The following XPO1 variants were observed in gnomAD, a reference collection of about 807,000 sequenced individuals.
XPO1 encodes the protein exportin-1.
A neutral mutation model predicts 133.3 loss-of-function variants in XPO1; 5 were observed. The observed-to-expected ratio is 0.04, with a 90% confidence interval of 0.02 to 0.08. XPO1 has a LOEUF of 0.08. Among genes scored for constraint, XPO1 ranks in the 10% least tolerant of loss-of-function variants. The pLI, the probability that XPO1 is intolerant of heterozygous loss-of-function variation, is 1.00. For synonymous variants in XPO1, 419 were observed against 408.2 expected (o/e 1.03, Z -0.32); for missense variants, 506 against 1,267.5 (o/e 0.40, Z 9.12).
chr2:61,496,141 T>G (rs1305182575), intron 10 of XPO1, among the ~76,000 whole-genome samples: 4 of 152,100 alleles, frequency 2.6e-5, no homozygotes, highest in Non-Finnish European at 5.9e-5. Context: ...CTAGTATTTC[T>G]CACTGACATT....
At chr2:61,495,240 T>TG (rs1182497755) in intron 11 of XPO1, among the ~76,000 whole-genome samples, 1 of 152,194 alleles carries the variant, frequency 6.6e-6, no homozygotes, top group Non-Finnish European at 1.5e-5. Flanking sequence ...AATTTAATTT[T>TG]GATTATAAAT....
At chr2:61,533,129 AG>A (rs1336085383) in intron 2 of XPO1, among the ~76,000 whole-genome samples, 5 of 152,184 alleles carry the variant, frequency 3.3e-5, no homozygotes, top group Non-Finnish European at 7.3e-5. Flanking sequence ...CAGTGAGCTG[AG>A]ATAGCGCCAC....
At chr2:61,528,925 C>A (rs1327566691) in intron 2 of XPO1, among the ~76,000 whole-genome samples, 2 of 151,914 alleles carry the variant, frequency 1.3e-5, no homozygotes, top group Admixed American at 6.6e-5. Flanking sequence ...CTTCCTATTT[C>A]TTTTACCTAT....
chr2:61,485,871 C>G lies in XPO1; in HGVS notation c.2405G>C (p.Ser802Thr). ...CTTGTTGACAATTATGGCCATAGTA[C>G]TAAGCACTTCTGGTTCTCTAGCAGC... ...VPAAREPEVL[S>T]TMAIIVNKLG... The change falls in exon 20 of 25, where the codon AGT becomes ACT. Residue 802 changes from serine to threonine, a missense_variant. Ser to Thr is a moderately conservative substitution (Grantham distance 58). Transcript: ENST00000401558. 6.2e-7 allele frequency: 1 copy of G among 1,614,052 alleles called. No individual in the cohort carries two copies. The highest frequency in any genetic ancestry group is 8.5e-7 in the Non-Finnish European group (1 of 1,179,984).
chr2:61,507,096 T>A (rs181569630), intron 4 of XPO1, among the ~76,000 whole-genome samples: 1 of 151,202 alleles, frequency 6.6e-6, no homozygotes, highest in Admixed American at 6.6e-5. Flanking sequence ...AACAAAAAAA[T>A]TTAGCTGGGC....
chr2:61,524,298 T>C (rs1337267158), intron 3 of XPO1, among the ~76,000 whole-genome samples: 1 of 152,198 alleles, frequency 6.6e-6, no homozygotes, highest in African/African-American at 2.4e-5. Flanking sequence ...GATAACTTCA[T>C]CTTATTTAAC....
At chr2:61,493,757 A>G in intron 12 of XPO1, 137 bp downstream of exon 12, 1 of 885,098 alleles carries the variant, frequency 1.1e-6, no homozygotes, top group Non-Finnish European at 1.8e-6. Flanking sequence ...TTCATGTTCT[A>G]GTTTTCCACA....
intron 4 of XPO1, among the ~76,000 whole-genome samples, chr2:61,507,377 C>A (rs1490889315): frequency 4.0e-5 from 6 of 151,794 alleles, no homozygotes; most frequent in Non-Finnish European, 8.8e-5. Context: ...AGCTTGAGAC[C>A]AGCTTGGGCA....
At chr2:61,490,915 G>A in intron 16 of XPO1, 139 bp from the exon 17 acceptor site, 1 of 1,078,352 alleles carries the variant, frequency 9.3e-7, no homozygotes, top group Non-Finnish European at 1.3e-6. Context: ...AATACTTTGA[G>A]AAGCCAAGGC....
chr2:61,528,728 TTTATTTATATATATATATATATA>T (rs1699019146), intron 2 of XPO1, among the ~76,000 whole-genome samples: 1 of 99,060 alleles, frequency 1.0e-5, no homozygotes, highest in Non-Finnish European at 2.0e-5. Flanking sequence ...ATGTCGACAT[TTTATTTATATATATATATATATA>T]TATATATATA....
chr2:61,532,549 G>T (rs544092794), intron 2 of XPO1, among the ~76,000 whole-genome samples: 1 of 152,014 alleles, frequency 6.6e-6, no homozygotes, highest in East Asian at 1.9e-4. Context: ...TACCATAAAA[G>T]ATTTCTGGCC....
Position 61,477,881 on chromosome 2 carries a change from C to T in XPO1, c.*939G>A, listed in dbSNP as rs1410939970. 4.9e-6 allele frequency: 1 copy of T among 203,028 alleles called. No individual in the cohort carries two copies. The highest frequency in any genetic ancestry group is 2.3e-5 in the African/African-American group (1 of 43,638). 12.6% of individuals were successfully genotyped at this position (203,028 alleles called of 1,614,324 possible). A position where few individuals can be genotyped will look rare whatever the true frequency, so the allele number is the denominator to read the frequency against. ...TTTAAAATGTTACTTGATGCTTAAA[C>T]ACAAATACCCACTATCATTAATATA... is the stretch of plus-strand genomic sequence containing the variant. On this transcript the variant is annotated 3_prime_UTR_variant, in exon 25 of 25. Transcript: ENST00000401558.
chr2:61,497,340 T>G (rs1189228326), intron 9 of XPO1, among the ~76,000 whole-genome samples: 1 of 152,126 alleles, frequency 6.6e-6, no homozygotes, highest in East Asian at 1.9e-4. Context: ...GCCTCTCAAA[T>G]AGCTGGGACT....
intron 4 of XPO1, among the ~76,000 whole-genome samples, chr2:61,515,424 T>C (rs982979925): frequency 2.6e-5 from 4 of 152,234 alleles, no homozygotes; most frequent in East Asian, 1.9e-4. Flanking sequence ...CACAGAAAAG[T>C]AGGTGTTAGT....
At chr2:61,486,280 T>C (rs1472749349) in intron 19 of XPO1, among the ~76,000 whole-genome samples, 3 of 151,980 alleles carry the variant, frequency 2.0e-5, no homozygotes, top group African/African-American at 7.3e-5. Context: ...TTCAAGCAAT[T>C]CTTGTGCCTC....
At chr2:61,498,542 T>C in intron 9 of XPO1, 131 bp downstream of exon 9, 1 of 1,188,378 alleles carries the variant, frequency 8.4e-7, no homozygotes, top group Non-Finnish European at 1.2e-6. Context: ...TATGGGAAAT[T>C]TCTCCTGAGC....
Position 61,488,289 on chromosome 2 carries a change from A to G in XPO1, c.2207-18T>C, listed in dbSNP as rs1405355048. Reference sequence around the variant, plus strand: ...CATTTCACCTACAAAACAGAATCAAATGGAATCTAATTTTACCACTAAACT... The same window carrying G: ...CATTTCACCTACAAAACAGAATCAAGTGGAATCTAATTTTACCACTAAACT... On this transcript the variant is annotated intron_variant, in intron 18 of 24. Coordinates refer to ENST00000401558, the MANE Select transcript of XPO1 (RefSeq NM_003400.4). The G allele has an allele frequency of 6.2e-7, 1 of 1,604,044 alleles. No individual in the cohort carries two copies. The highest frequency in any genetic ancestry group is 1.1e-5 in the South Asian group (1 of 90,790).
At chr2:61,534,176 A>G (rs1699271242) in intron 1 of XPO1, 1 of 253,384 alleles carries the variant, frequency 3.9e-6, no homozygotes, top group African/African-American at 2.2e-5. Context: ...TAACATTTAT[A>G]AAGTATGCTA....
At chr2:61,488,877 G>GAT in intron 17 of XPO1, 106 bp from the exon 18 acceptor site, 1 of 1,195,756 alleles carries the variant, frequency 8.4e-7, no homozygotes, top group Non-Finnish European at 1.2e-6. Context: ...CGAGGCGGGC[G>GAT]GATGATGAGT....
Sources: gnomAD v4.1 joint callset for allele counts (sites outside exome capture counted in the v4.1 genomes callset) on GRCh38, gnomAD v4.1.1 for gene constraint, MANE v1.5 for transcripts, NCBI Gene and HGNC (gene_info 2026-07-23, HGNC 2026-07-21) for gene names.